ATP13A5: variants seen among roughly 807,000 people sequenced by gnomAD.
ATP13A5 encodes the protein probable cation-transporting ATPase 13A5.
A neutral mutation model predicts 150.2 loss-of-function variants in ATP13A5; 149 were observed. That is an observed-to-expected ratio of 0.99 (90% CI 0.87 to 1.14). The LOEUF (loss-of-function observed/expected upper bound fraction) is 1.14, where lower values mean the gene tolerates loss of function less well. ATP13A5 is among the 50% of genes most tolerant of loss of function. The probability of loss-of-function intolerance (pLI) is 0.00; values close to 1 mark genes in which losing one functional copy is unlikely to be tolerated. For missense variants in ATP13A5, 1,383 were observed against 1,449.3 expected, an observed-to-expected ratio of 0.95 and a Z score of 0.74; for synonymous variants, 497 against 522.2, an observed-to-expected ratio of 0.95 and a Z score of 0.66.
intron 17 of ATP13A5, 140 bp from the exon 18 acceptor site, chr3:193,315,236 T>C (rs573424205): frequency 2.2e-6 from 2 of 910,282 alleles, no homozygotes; most frequent in Non-Finnish European, 3.2e-6. Flanking sequence ...CTTAAAAGCT[T>C]ATAATGAAAA....
intron 7 of ATP13A5, among the ~76,000 whole-genome samples, chr3:193,346,036 T>C (rs568130846): frequency 6.6e-6 from 1 of 152,230 alleles, no homozygotes; most frequent in Non-Finnish European, 1.5e-5. Flanking sequence ...AGATGGGAGT[T>C]ATGCTGTTAA....
chr3:193,351,100 G>T lies in ATP13A5; in HGVS notation c.708C>A (p.Ile236=). 6.2e-7 allele frequency: 1 copy of T among 1,613,682 alleles called. No individual in the cohort carries two copies. Among genetic ancestry groups the T allele is most frequent in the Non-Finnish European group, 8.5e-7 (1 of 1,179,700 alleles). ...AATCATACACACTTAAGACAATGGA[G>T]ATAACAGTCAAAATGATGATGGCCA... is the stretch of plus-strand genomic sequence containing the variant. ...YSVAIIILTV[I]SIVLSVYDLR... The change falls in exon 7 of 30, where the codon ATC becomes ATA. Residue 236 remains isoleucine, a synonymous_variant. Coordinates refer to ENST00000342358, the MANE Select transcript of ATP13A5 (RefSeq NM_198505.4).
intron 25 of ATP13A5, among the ~76,000 whole-genome samples, chr3:193,293,061 C>G (rs1278586891): frequency 6.6e-6 from 1 of 152,048 alleles, no homozygotes; most frequent in African/African-American, 2.4e-5. Context: ...GAAACTGAGG[C>G]TCAGAAAAGT....
chr3:193,376,641 C>G (rs1161593097), intron 1 of ATP13A5, among the ~76,000 whole-genome samples: 1 of 152,178 alleles, frequency 6.6e-6, no homozygotes, highest in African/African-American at 2.4e-5. Flanking sequence ...GACCCATCAC[C>G]TAGGTGTTAA....
At chr3:193,291,688 A>G (rs1372776703) in intron 25 of ATP13A5, among the ~76,000 whole-genome samples, 1 of 151,710 alleles carries the variant, frequency 6.6e-6, no homozygotes, top group Non-Finnish European at 1.5e-5. Flanking sequence ...ACATAATGAA[A>G]CCCTAATAAA....
At chr3:193,292,157 G>C (rs980829613) in intron 25 of ATP13A5, among the ~76,000 whole-genome samples, 4 of 152,078 alleles carry the variant, frequency 2.6e-5, no homozygotes, top group Non-Finnish European at 5.9e-5. Context: ...CCACGAAGAA[G>C]GGGTACACAG....
chr3:193,276,815 T>A lies in ATP13A5; in HGVS notation c.3331A>T (p.Thr1111Ser), dbSNP rs532653003. The A allele has an allele frequency of 6.2e-7, 1 of 1,613,570 alleles. No homozygotes were observed. Among genetic ancestry groups the A allele is most frequent in the Non-Finnish European group, 8.5e-7 (1 of 1,179,666 alleles). The change falls in exon 29 of 30, where the codon ACA (threonine) becomes TCA (serine). Residue 1111 changes from threonine (T) to serine (S), a missense_variant. Around this residue, in one of 3 missense-constraint regions of ATP13A5, gnomAD observed 568 missense variants for 621.5 expected, o/e 0.91. Transcript: ENST00000342358. Reference sequence around the variant, plus strand: ...ACCAAAATTAAAACCCTCCACGATGTTATGGTTGGGATCAACTGTTGAAAA... The same window carrying A: ...ACCAAAATTAAAACCCTCCACGATGATATGGTTGGGATCAACTGTTGAAAA... Reference protein sequence around the residue: ...YRGMELIPTITSWRVLILVVA... With the variant: ...YRGMELIPTISSWRVLILVVA...
chr3:193,374,301 C>CACACAG (rs1441073312), intron 1 of ATP13A5, among the ~76,000 whole-genome samples: 2,738 of 144,286 alleles, frequency 0.019, 44 homozygotes, highest in South Asian at 0.047. Flanking sequence ...CACACACACA[C>CACACAG]AGAGAGAGAG....
intron 5 of ATP13A5, among the ~76,000 whole-genome samples, chr3:193,356,054 A>G (rs1028390158): frequency 2.0e-5 from 3 of 152,190 alleles, no homozygotes; most frequent in Non-Finnish European, 2.9e-5. Context: ...CTACCCGCTC[A>G]GTCCCTCAAT....
intron 22 of ATP13A5, among the ~76,000 whole-genome samples, chr3:193,306,615 C>T (rs532729048): frequency 1.3e-5 from 2 of 152,232 alleles, no homozygotes; most frequent in African/African-American, 4.8e-5. Flanking sequence ...AGAAATCTTC[C>T]TCACTTCTTG....
At position 193,322,510 on chromosome 3, in the gene ATP13A5, G is replaced by A. The variant is rs758063063; in HGVS notation, c.1739C>T (p.Pro580Leu). The A allele has an allele frequency of 1.2e-6, 2 of 1,613,414 alleles. No homozygotes were observed. Among genetic ancestry groups the A allele is most frequent in the Admixed American group, 3.3e-5 (2 of 60,008 alleles). ...TCATACCTTACTGGCTTTTGGTCCTGGTTTTATGATGTTTGAAACTGACGT... is the reference window on the plus strand; with the variant it reads ...TCATACCTTACTGGCTTTTGGTCCTAGTTTTATGATGTTTGAAACTGACGT... ...FGTSVSNIIK[P>L]GPKASKSPVE... Residue 580 changes from proline to leucine, a missense_variant, in exon 15 of 30, where the codon CCA becomes CTA. This residue lies in a region of ATP13A5 where 787 missense variants were observed against 771.9 expected (regional missense o/e 1.02). Transcript: ENST00000342358.
At chr3:193,334,650 T>C (rs1356183604) in intron 10 of ATP13A5, among the ~76,000 whole-genome samples, 1 of 152,158 alleles carries the variant, frequency 6.6e-6, no homozygotes, top group African/African-American at 2.4e-5. Flanking sequence ...TCAAGGGAGA[T>C]AGAAGCAGCG....
At chr3:193,348,530 C>T (rs748439550) in intron 7 of ATP13A5, among the ~76,000 whole-genome samples, 1 of 152,154 alleles carries the variant, frequency 6.6e-6, no homozygotes, top group Non-Finnish European at 1.5e-5. Flanking sequence ...GCACTCATGC[C>T]TGCACCAAAC....
chr3:193,321,724 T>G lies in ATP13A5; in HGVS notation c.1872A>C (p.Lys624Asn). 1.2e-6 allele frequency: 2 copies of G among 1,614,186 alleles called. No individual in the cohort carries two copies. Among genetic ancestry groups the G allele is most frequent in the Non-Finnish European group, 1.7e-6 (2 of 1,180,010 alleles). Residue 624 changes from lysine to asparagine, a missense_variant, in exon 16 of 30, where the codon AAA (lysine) becomes AAC (asparagine). Lys to Asn is a moderately conservative substitution (Grantham distance 94, BLOSUM62 0). Around this residue, in one of 3 missense-constraint regions of ATP13A5, gnomAD observed 787 missense variants for 771.9 expected, o/e 1.02. Coordinates refer to ENST00000342358, the MANE Select transcript of ATP13A5 (RefSeq NM_198505.4). ...AGENHFHVYM[K>N]GAPEMVARFC... The stretch of plus-strand genomic sequence containing the variant: ...ACCTGGCCACCATTTCTGGGGCACC[T>G]TTCATGTAGACATGGAAATGATTCT...
At chr3:193,321,571 C>G (rs1016203926) in intron 16 of ATP13A5, 110 bp downstream of exon 16, 2 of 1,216,912 alleles carry the variant, frequency 1.6e-6, no homozygotes, top group African/African-American at 1.5e-5. Context: ...GTGGAGGCTA[C>G]AGTGAGCTGA....
At chr3:193,305,397 C>G (rs920210345) in intron 23 of ATP13A5, among the ~76,000 whole-genome samples, 162 bp downstream of exon 23, 3 of 152,188 alleles carry the variant, frequency 2.0e-5, no homozygotes, top group East Asian at 1.9e-4. Flanking sequence ...TTTACCAGCA[C>G]TCTTGAGTAA....
Position 193,322,520 on chromosome 3 carries a change from T to C in ATP13A5, c.1729A>G (p.Ile577Val). ...CTGGCTTTTGGTCCTGGTTTTATGA[T>C]GTTTGAAACTGACGTCCCAAATTTG... The part of the protein sequence containing the change: ...SCKFGTSVSN[I>V]IKPGPKASKS... The change falls in exon 15 of 30, where the codon ATC (isoleucine) becomes GTC (valine). Residue 577 changes from isoleucine (I) to valine (V), a missense_variant. Ile to Val is a conservative substitution (Grantham distance 29). Transcript: ENST00000342358. The C allele has an allele frequency of 6.2e-7, 1 of 1,613,966 alleles. No homozygotes were observed.
intron 14 of ATP13A5, among the ~76,000 whole-genome samples, chr3:193,324,321 T>C (rs1256077628): frequency 1.3e-5 from 2 of 152,226 alleles, no homozygotes; most frequent in African/African-American, 4.8e-5. Context: ...CTTGTAGCTA[T>C]TTAAATTTAA....
At chr3:193,333,928 A>G (rs373306905) in intron 10 of ATP13A5, 21 bp from the exon 11 acceptor site, 3 of 1,603,840 alleles carry the variant, frequency 1.9e-6, no homozygotes, top group Non-Finnish European at 2.6e-6. Context: ...ATAATCATAG[A>G]TCAAGTAAGG....
Sources: gnomAD v4.1 joint callset for allele counts (sites outside exome capture counted in the v4.1 genomes callset) on GRCh38, gnomAD v4.1.1 for gene constraint, gnomAD v4.1.1 regional missense constraint, MANE v1.5 for transcripts, NCBI Gene and HGNC (gene_info 2026-07-23, HGNC 2026-07-21) for gene names.